The following RIMS2 variants were observed in gnomAD, a reference collection of about 807,000 sequenced individuals.
RIMS2 encodes regulating synaptic membrane exocytosis 2, also known as regulating synaptic membrane exocytosis protein 2.
In RIMS2, 59 loss-of-function variants were observed where a neutral mutation model predicts 174.4. The ratio of observed to expected loss-of-function variants is 0.34; its 90% CI spans 0.27 to 0.42. RIMS2 has a LOEUF of 0.42. Ranked by LOEUF, RIMS2 falls within the 10% of genes least tolerant of loss-of-function variation. The pLI is 1.00. For synonymous variants in RIMS2, 606 were observed against 572.5 expected (o/e 1.06, Z -0.84); for missense variants, 1,620 against 1,666.3 (o/e 0.97, Z 0.48).
chr8:103,924,470 T>C (rs73699008), intron 10 of RIMS2, among the ~76,000 whole-genome samples: 3,635 of 151,766 alleles, frequency 0.024, 168 homozygotes, highest in African/African-American at 0.083. Flanking sequence ...GCTCTAATGA[T>C]GTAGAGGTTG....
In RIMS2 at chr8:103,845,689, C is replaced by T. The variant is rs2098964330; in HGVS notation, c.699-39609C>T. Reference sequence around the variant, plus strand: ...TTTTTGCTAGTTATAAGAAAAAGGGCTTGAAAGTTCCCACACTCTAGGAAC... The same window carrying T: ...TTTTTGCTAGTTATAAGAAAAAGGGTTTGAAAGTTCCCACACTCTAGGAAC... On this transcript the variant is annotated intron_variant, in intron 3 of 23. Coordinates refer to ENST00000504942, the Ensembl canonical transcript of RIMS2. Among the ~76,000 whole-genome samples, 3 of 151,928 alleles carry T rather than the reference C, an allele frequency of 2.0e-5. No homozygotes were observed. In the South Asian group the frequency reaches 6.2e-4, roughly 31 times the overall value.
rs569629918 is a variant in RIMS2 at position 103,608,564 on chromosome 8, G to A, written c.177-88522G>A. Among the ~76,000 whole-genome samples, 141 of 143,368 alleles carry A rather than the reference G, an allele frequency of 9.8e-4. 4 individuals are homozygous for A. Among genetic ancestry groups the A allele is most frequent in the African/African-American group, 3.5e-3 (130 of 37,656 alleles). The allele number at this position is 143,368 out of a possible 152,430, so 94.1% of individuals were successfully genotyped here. A position where few individuals can be genotyped will look rare whatever the true frequency, so the allele number is the denominator to read the frequency against. On this transcript the variant is annotated intron_variant, in intron 1 of 23. Transcript: ENST00000504942. ...GCTTTGTTTACCTAAGCAAGCCTGG[G>A]CAATGGTGGGCGCCCCTCCCCCAGC...
chr8:104,034,961 G>A lies in RIMS2; in HGVS notation c.3334+20346G>A, dbSNP rs372302815. 4.8e-4 allele frequency among the ~76,000 whole-genome samples: 73 copies of A among 152,262 alleles called. No individual in the cohort carries two copies. In the Middle Eastern group the frequency reaches 0.02, roughly 43 times the overall value. On this transcript the variant is annotated intron_variant, in intron 19 of 23. Transcript: ENST00000504942. The stretch of plus-strand genomic sequence containing the variant: ...GATATTTTAATTACCACACAAAAAA[G>A]TAGTGGGAAAGCTCCCTTAAATTAG...
At chr8:103,556,542 G>A (rs1563768174) in intron 1 of RIMS2, among the ~76,000 whole-genome samples, 4 of 152,112 alleles carry the variant, frequency 2.6e-5, no homozygotes. Flanking sequence ...GAGTTATACT[G>A]GGGTAGCCAG....
At chr8:103,613,858 G>T (rs1178217776) in intron 1 of RIMS2, among the ~76,000 whole-genome samples, 1 of 152,188 alleles carries the variant, frequency 6.6e-6, no homozygotes, top group African/African-American at 2.4e-5. Context: ...AGGAATGGGG[G>T]CCTCATGACT....
At chr8:104,158,249 A>G (rs535101472) in intron 19 of RIMS2, among the ~76,000 whole-genome samples, 26 of 152,246 alleles carry the variant, frequency 1.7e-4, no homozygotes, top group African/African-American at 6.3e-4. Context: ...ATGGCTGCAT[A>G]GTATTCTGTG....
intron 1 of RIMS2, among the ~76,000 whole-genome samples, chr8:103,524,612 T>C (rs1833131476): frequency 6.6e-6 from 1 of 152,102 alleles, no homozygotes; most frequent in South Asian, 2.1e-4. Flanking sequence ...ACTATGATGC[T>C]AAGGTTGTTG....
intron 19 of RIMS2, among the ~76,000 whole-genome samples, chr8:104,209,303 A>G (rs1563766616): frequency 6.6e-6 from 1 of 152,228 alleles, no homozygotes; most frequent in Non-Finnish European, 1.5e-5. Context: ...GTGAGCTAAT[A>G]ATGGAAATAG....
intron 1 of RIMS2, among the ~76,000 whole-genome samples, chr8:103,668,676 T>G (rs542048865): frequency 4.0e-5 from 6 of 151,758 alleles, no homozygotes; most frequent in South Asian, 2.1e-4. Context: ...ATTTATTTAT[T>G]TATTTATGTA....
At chr8:103,825,113 C>T (rs2098780429) in intron 3 of RIMS2, among the ~76,000 whole-genome samples, 1 of 152,076 alleles carries the variant, frequency 6.6e-6, no homozygotes. Flanking sequence ...TCTTCACACT[C>T]CTTCCCAGTC....
chr8:103,859,246 T>C (rs1267320066), intron 3 of RIMS2, among the ~76,000 whole-genome samples: 4 of 152,120 alleles, frequency 2.6e-5, no homozygotes, highest in African/African-American at 9.7e-5. Flanking sequence ...CACTGGAACC[T>C]TCACTTTCCG....
intron 1 of RIMS2, among the ~76,000 whole-genome samples, chr8:103,694,671 G>T (rs28772965): frequency 5.3e-5 from 8 of 152,106 alleles, no homozygotes; most frequent in East Asian, 3.9e-4. Context: ...TGGGCTACGG[G>T]GGCTGGTTTG....
At chr8:103,943,553 A>G (rs971473491) in intron 14 of RIMS2, among the ~76,000 whole-genome samples, 1 of 152,174 alleles carries the variant, frequency 6.6e-6, no homozygotes, top group African/African-American at 2.4e-5. Context: ...TACTATTGTT[A>G]TTATCATCTA....
chr8:104,178,137 C>T (rs1417451556), intron 19 of RIMS2, among the ~76,000 whole-genome samples: 1 of 152,158 alleles, frequency 6.6e-6, no homozygotes, highest in African/African-American at 2.4e-5. Flanking sequence ...CAGTGTGGCT[C>T]AGCTGGTTCT....
intron 19 of RIMS2, among the ~76,000 whole-genome samples, chr8:104,062,677 T>G (rs776440182): frequency 6.6e-6 from 1 of 152,210 alleles, no homozygotes; most frequent in Non-Finnish European, 1.5e-5. Flanking sequence ...GATGATACGT[T>G]TTTATTCACT....
At chr8:104,216,693 A>G (rs935887833) in intron 19 of RIMS2, among the ~76,000 whole-genome samples, 1 of 152,136 alleles carries the variant, frequency 6.6e-6, no homozygotes, top group South Asian at 2.1e-4. Context: ...TGGTAAGTAA[A>G]GTTGTTGAGG....
intron 1 of RIMS2, among the ~76,000 whole-genome samples, chr8:103,507,532 G>A (rs1824262768): frequency 6.6e-6 from 1 of 151,826 alleles, no homozygotes; most frequent in African/African-American, 2.4e-5. Context: ...CTTTCAAGGT[G>A]AACTCCAATA....
At chr8:103,653,002 A>G (rs1157479288) in intron 1 of RIMS2, among the ~76,000 whole-genome samples, 1 of 152,146 alleles carries the variant, frequency 6.6e-6, no homozygotes, top group Non-Finnish European at 1.5e-5. Flanking sequence ...ATATAACTAG[A>G]GTGTGTTTCT....
At chr8:103,864,195 A>AT (rs957978940) in intron 3 of RIMS2, among the ~76,000 whole-genome samples, 20 of 146,028 alleles carry the variant, frequency 1.4e-4, no homozygotes, top group African/African-American at 3.3e-4. Context: ...GTTCATCATT[A>AT]TTTTTTTTTT....
Sources: gnomAD v4.1 joint callset for allele counts (sites outside exome capture counted in the v4.1 genomes callset) on GRCh38, gnomAD v4.1.1 for gene constraint, MANE v1.5 for transcripts, NCBI Gene and HGNC (gene_info 2026-07-23, HGNC 2026-07-21) for gene names.